The following ZNF600 variants were observed in gnomAD, a reference collection of about 807,000 sequenced individuals.
ZNF600 encodes zinc finger protein KR-ZNF1.
Under a neutral mutation model 7.3 loss-of-function variants are expected in ZNF600, and 4 were observed. That is an observed-to-expected ratio of 0.55 (90% CI 0.27 to 1.25). The LOEUF (loss-of-function observed/expected upper bound fraction) is 1.25, where lower values mean the gene tolerates loss of function less well. ZNF600 is among the 50% of genes most tolerant of loss of function. ZNF600 has a pLI of 0.12. For synonymous variants in ZNF600, 290 were observed against 308.9 expected, an observed-to-expected ratio of 0.94 and a Z score of 0.64; for missense variants, 911 against 922.1, an observed-to-expected ratio of 0.99 and a Z score of 0.16.
chr19:52,764,311 A>G (rs2062551553), downstream of ZNF600: 1 of 151,454 alleles, frequency 6.6e-6, no homozygotes, highest in Non-Finnish European at 1.5e-5. Context: ...CCCAGGTTTA[A>G]GCGACTCTTG....
At chr19:52,822,824 C>T in the ZNF600 span, among the ~76,000 whole-genome samples, 1 of 152,096 alleles carries the variant, frequency 6.6e-6, no homozygotes, top group African/African-American at 2.4e-5. Context: ...CTGCTACAGT[C>T]CGACAGAAAC....
the ZNF600 span, among the ~76,000 whole-genome samples, chr19:52,833,097 C>A: frequency 3.6e-3 from 553 of 152,268 alleles, 1 homozygote; most frequent in African/African-American, 0.013. Context: ...AGTGTGCCTT[C>A]AAATGCATTA....
the ZNF600 span, among the ~76,000 whole-genome samples, chr19:52,804,117 C>T: frequency 3.3e-5 from 5 of 152,114 alleles, no homozygotes; most frequent in South Asian, 2.1e-4. Context: ...CATTAAAGAG[C>T]GTGTTGCCTG....
intron 3 of ZNF600, among the ~76,000 whole-genome samples, chr19:52,771,616 T>A (rs112432126): frequency 0.062 from 9,511 of 152,176 alleles, 949 homozygotes; most frequent in African/African-American, 0.21. Flanking sequence ...AAGCTGGGAT[T>A]ACAGGTGTAT....
chr19:52,800,914 T>A, the ZNF600 span: 106 of 1,614,024 alleles, frequency 6.6e-5, no homozygotes, highest in Non-Finnish European at 8.7e-5. Context: ...AGGTGTGATT[T>A]GCGACTGAAA....
the ZNF600 span, among the ~76,000 whole-genome samples, chr19:52,828,681 A>C: frequency 2.0e-5 from 3 of 152,158 alleles, no homozygotes; most frequent in Non-Finnish European, 4.4e-5. Flanking sequence ...CAAATTGTAC[A>C]ACAAAAACAT....
exon 4 of ZNF600, chr19:52,765,746 A>G (rs373618373): frequency 1.9e-6 from 3 of 1,613,812 alleles, no homozygotes; most frequent in Non-Finnish European, 2.5e-6. Context: ...TCTTGTCACA[A>G]ACCTTACATT....
chr19:52,832,264 G>GTGTA, the ZNF600 span, among the ~76,000 whole-genome samples: 1 of 152,098 alleles, frequency 6.6e-6, no homozygotes, highest in Non-Finnish European at 1.5e-5. Flanking sequence ...TACCACTGAT[G>GTGTA]TGTATCTTCA....
At chr19:52,785,418 TTTATA>T (rs2062755793) in intron 1 of ZNF600, among the ~76,000 whole-genome samples, 1 of 151,826 alleles carries the variant, frequency 6.6e-6, no homozygotes. Flanking sequence ...CCCAGCTAAT[TTTATA>T]TTTTTAATAG....
the ZNF600 span, chr19:52,799,566 G>T: frequency 6.6e-7 from 1 of 1,524,492 alleles, no homozygotes; most frequent in Non-Finnish European, 9.0e-7. Flanking sequence ...TACAAGGGTT[G>T]AATTGTGATG....
the ZNF600 span, among the ~76,000 whole-genome samples, chr19:52,804,774 G>T: frequency 6.6e-6 from 1 of 152,090 alleles, no homozygotes; most frequent in Admixed American, 6.6e-5. Flanking sequence ...GAAAGTGCTG[G>T]GATTAGAAAA....
the ZNF600 span, chr19:52,818,005 C>A: frequency 6.2e-7 from 1 of 1,609,658 alleles, no homozygotes; most frequent in African/African-American, 1.3e-5. Context: ...TTCTTCCTCA[C>A]GTACCAAGAT....
the ZNF600 span, chr19:52,810,729 GAGAGGAAAAAA>G: frequency 1.6e-6 from 1 of 639,118 alleles, no homozygotes; most frequent in African/African-American, 2.0e-5. Flanking sequence ...TATTAGGAGA[GAGAGGAAAAAA>G]AGAGGAAAGA....
At chr19:52,766,614 C>A (rs2062581567) in exon 4 of ZNF600, 3 of 1,613,990 alleles carry the variant, frequency 1.9e-6, no homozygotes, top group Non-Finnish European at 2.5e-6. Context: ...TTTCTCTCCA[C>A]CATGAAGTCT....
At chr19:52,794,284 T>TGGA in the ZNF600 span, among the ~76,000 whole-genome samples, 4 of 152,176 alleles carry the variant, frequency 2.6e-5, no homozygotes, top group South Asian at 8.3e-4. Context: ...CAGGAATCCA[T>TGGA]TTAAAATTCA....
exon 4 of ZNF600, chr19:52,767,089 A>C (rs2062589277): frequency 6.2e-7 from 1 of 1,614,034 alleles, no homozygotes; most frequent in Admixed American, 1.7e-5. Flanking sequence ...GACTTTCCAC[A>C]CTCATTACAC....
intron 3 of ZNF600, among the ~76,000 whole-genome samples, chr19:52,769,801 C>T (rs1327025024): frequency 1.3e-5 from 2 of 152,228 alleles, no homozygotes; most frequent in South Asian, 2.1e-4. Context: ...GTAATCTTCC[C>T]GCCTCAGCCT....
intron 1 of ZNF600, among the ~76,000 whole-genome samples, chr19:52,783,853 C>A (rs573427848): frequency 6.6e-6 from 1 of 151,964 alleles, no homozygotes; most frequent in Non-Finnish European, 1.5e-5. Flanking sequence ...TCCAATGGTG[C>A]GATCTCAGCT....
the ZNF600 span, chr19:52,810,350 A>T: frequency 6.2e-7 from 1 of 1,604,442 alleles, no homozygotes; most frequent in Non-Finnish European, 8.5e-7. Flanking sequence ...CAACAGCAGA[A>T]GAGCTGGAAG....
Sources: allele counts gnomAD v4.1 joint callset (sites outside exome capture counted in the v4.1 genomes callset), GRCh38; gene constraint gnomAD v4.1.1; transcripts MANE v1.5; gene names NCBI Gene and HGNC (gene_info 2026-07-23, HGNC 2026-07-21).